COL4A5: variants seen among roughly 807,000 people sequenced by gnomAD.
The protein encoded by COL4A5 is collagen alpha-5(IV) chain.
A neutral mutation model predicts 130.2 loss-of-function variants in COL4A5; 26 were observed. The observed-to-expected ratio is 0.20, with a 90% CI of 0.15 to 0.28. The LOEUF is 0.28. Ranked by LOEUF, COL4A5 falls within the 10% of genes least tolerant of loss-of-function variation. The pLI, the probability that COL4A5 is intolerant of heterozygous loss-of-function variation, is 1.00. For synonymous variants in COL4A5, 496 were observed against 439.6 expected, an observed-to-expected ratio of 1.13 and a Z score of -1.60; for missense variants, 1,131 against 1,344.3, an observed-to-expected ratio of 0.84 and a Z score of 2.48.
At chrX:108,582,393 A>G (rs1236725372) in intron 16 of COL4A5, 1 of 114,087 alleles carries the variant, frequency 8.8e-6, no homozygotes, top group African/African-American at 3.3e-5. Context: ...GTTGGGTCAA[A>G]TAAAGGCAGC....
chrX:108,452,815 A>G (rs187150356), intron 1 of COL4A5, among the ~76,000 whole-genome samples: 30 of 111,158 alleles, frequency 2.7e-4, no homozygotes, highest in African/African-American at 9.8e-4. Flanking sequence ...AATACCCTTT[A>G]TTTCCTTCTC....
At chrX:108,478,830 G>A (rs1039514628) in intron 1 of COL4A5, among the ~76,000 whole-genome samples, 3 of 112,355 alleles carry the variant, frequency 2.7e-5, no homozygotes, top group Non-Finnish European at 3.8e-5. Flanking sequence ...GTAAGTGTCT[G>A]TTTCCAGTGA....
chrX:108,465,418 C>T (rs143164741), intron 1 of COL4A5, among the ~76,000 whole-genome samples: 7 of 111,000 alleles, frequency 6.3e-5, no homozygotes, highest in African/African-American at 2.0e-4. Context: ...CAAATCTTTG[C>T]CCATTTTTTT....
intron 33 of COL4A5, 81 bp downstream of exon 33, chrX:108,622,906 T>C: frequency 1.0e-6 from 1 of 957,512 alleles, no homozygotes; most frequent in Non-Finnish European, 1.4e-6. Context: ...AAGTGACTTA[T>C]AATACAGAAT....
In COL4A5 at chrX:108,568,783, C is replaced by T; in HGVS notation, c.346C>T (p.Pro116Ser). The T allele has an allele frequency of 8.3e-7, 1 of 1,210,943 alleles. No individual in the cohort carries two copies. The highest frequency in any genetic ancestry group is 1.1e-6 in the Non-Finnish European group (1 of 895,045). The change falls in exon 6 of 53, where the codon CCA becomes TCA. Residue 116 changes from proline to serine, a missense_variant. Pro to Ser is a moderately conservative substitution (Grantham distance 74). Coordinates refer to ENST00000328300, the MANE Select transcript of COL4A5 (RefSeq NM_033380.3). ...GGGAATGCCAGGCCACGATGGGGCC[C>T]CAGGACCTCAAGGTATTCCCGGATG... Reference protein sequence around the residue: ...LPGMPGHDGAPGPQGIPGCNG... With the variant: ...LPGMPGHDGASGPQGIPGCNG...
intron 36 of COL4A5, among the ~76,000 whole-genome samples, chrX:108,640,369 A>G (rs2067438822): frequency 9.0e-6 from 1 of 111,593 alleles, no homozygotes; most frequent in African/African-American, 3.3e-5. Flanking sequence ...TAGAATGGTA[A>G]TTGCTCAGGG....
In COL4A5 at chrX:108,696,693, A is replaced by C. The variant is rs2148004238; in HGVS notation, c.*315A>C. 6.5e-6 allele frequency: 1 copy of C among 154,540 alleles called. No individual in the cohort carries two copies. Among genetic ancestry groups the C allele is most frequent in the African/African-American group, 3.1e-5 (1 of 32,206 alleles). 12.7% of individuals were successfully genotyped at this position (154,540 alleles called of 1,213,427 possible). On this transcript the variant is annotated 3_prime_UTR_variant, in exon 53 of 53. Transcript: ENST00000328300. ...GCCCAGTTACTAAAATGGTACATTA[A>C]AAATTCAATTAAGAGAAGAGTCACA...
intron 1 of COL4A5, among the ~76,000 whole-genome samples, chrX:108,507,886 C>T: frequency 9.0e-6 from 1 of 111,332 alleles, no homozygotes; most frequent in Non-Finnish European, 1.9e-5. Flanking sequence ...AGGAACATGC[C>T]TCAAAATAAT....
chrX:108,626,151 A>C (rs2067149408), intron 35 of COL4A5, 59 bp from the exon 36 acceptor site: 1 of 1,118,093 alleles, frequency 8.9e-7, no homozygotes, highest in Non-Finnish European at 1.2e-6. Flanking sequence ...TATGCATCTT[A>C]GATAATCCAC....
chrX:108,473,615 A>ATG (rs2064800015), intron 1 of COL4A5, among the ~76,000 whole-genome samples: 4 of 36,434 alleles, frequency 1.1e-4, no homozygotes, highest in Non-Finnish European at 2.4e-4. Flanking sequence ...ATATATATGT[A>ATG]TATATATATA....
At chrX:108,488,560 A>G (rs2064967699) in intron 1 of COL4A5, among the ~76,000 whole-genome samples, 1 of 112,158 alleles carries the variant, frequency 8.9e-6, no homozygotes, top group Non-Finnish European at 1.9e-5. Flanking sequence ...GCAATGTATA[A>G]CTGTGTTTTC....
intron 43 of COL4A5, 26 bp downstream of exon 43, chrX:108,674,779 T>A (rs1419365922): frequency 5.2e-6 from 3 of 576,046 alleles, no homozygotes; most frequent in Non-Finnish European, 4.7e-6. Context: ...GGTCAATTCT[T>A]TTTTTTTTTT....
chrX:108,597,181 G>A, intron 23 of COL4A5, 113 bp downstream of exon 23: 1 of 792,312 alleles, frequency 1.3e-6, no homozygotes, highest in Admixed American at 2.7e-5. Context: ...TTTCCATTAA[G>A]TTGTACTTTG....
intron 1 of COL4A5, among the ~76,000 whole-genome samples, chrX:108,453,482 A>C (rs912473942): frequency 8.9e-6 from 1 of 111,756 alleles, no homozygotes; most frequent in African/African-American, 3.3e-5. Context: ...AAAAATTCAT[A>C]ATATATGTTA....
Position 108,560,841 on chromosome X carries a change from G to A in COL4A5, c.231+1688G>A, listed in dbSNP as rs756480807. Among the ~76,000 whole-genome samples the A allele has an allele frequency of 2.7e-5, 3 of 111,931 alleles. No individual in the cohort carries two copies. The East Asian group carries it at 8.5e-4, about 32-fold the overall frequency. ...GATCAACCAGCCAGAAGTCCCTCCTGGTGAGCAGAGTACTTGAGTGGAATT... is the reference window on the plus strand; with the variant it reads ...GATCAACCAGCCAGAAGTCCCTCCTAGTGAGCAGAGTACTTGAGTGGAATT... On this transcript the variant is annotated intron_variant, in intron 3 of 52. Transcript: ENST00000328300.
At chrX:108,545,473 C>G (rs1265829463) in intron 2 of COL4A5, among the ~76,000 whole-genome samples, 1 of 111,549 alleles carries the variant, frequency 9.0e-6, no homozygotes, top group South Asian at 3.8e-4. Flanking sequence ...GTCTGAGAGA[C>G]AGTTTGTTAT....
At chrX:108,578,263 C>A in intron 12 of COL4A5, 28 bp from the exon 13 acceptor site, 1 of 1,173,125 alleles carries the variant, frequency 8.5e-7, no homozygotes, top group Non-Finnish European at 1.2e-6. Flanking sequence ...TGAAGTATCA[C>A]CACTGTCTTA....
intron 1 of COL4A5, among the ~76,000 whole-genome samples, chrX:108,505,229 A>G (rs989536229): frequency 1.2e-4 from 13 of 104,662 alleles, no homozygotes; most frequent in African/African-American, 4.7e-4. Context: ...TTGGACACTC[A>G]GAAGTGAGGA....
intron 1 of COL4A5, among the ~76,000 whole-genome samples, chrX:108,509,484 A>G (rs1045359999): frequency 1.2e-4 from 14 of 112,271 alleles, no homozygotes; most frequent in African/African-American, 2.9e-4. Flanking sequence ...AACCTCATTA[A>G]TAAGTGGCCA....
Sources: allele counts gnomAD v4.1 joint callset (sites outside exome capture counted in the v4.1 genomes callset), GRCh38; gene constraint gnomAD v4.1.1; transcripts MANE v1.5; gene names NCBI Gene and HGNC (gene_info 2026-07-23, HGNC 2026-07-21).